Variants in ANKFN1 observed in about 807,000 individuals in gnomAD.
The protein encoded by ANKFN1 is ankyrin repeat and fibronectin type-III domain-containing protein 1.
Under a neutral mutation model 108.7 loss-of-function variants are expected in ANKFN1, and 74 were observed. That is an observed-to-expected ratio of 0.68 (90% CI 0.56 to 0.83). The LOEUF (loss-of-function observed/expected upper bound fraction) is 0.83. Ranked by LOEUF, ANKFN1 falls within the 40% of genes least tolerant of loss-of-function variation. ANKFN1 has a pLI of 0.00. For synonymous variants in ANKFN1, 547 were observed against 516.2 expected (o/e 1.06, Z -0.81); for missense variants, 1,505 against 1,382.3 (o/e 1.09, Z -1.41).
chr17:56,367,222 A>G (rs1301308276), intron 6 of ANKFN1, among the ~76,000 whole-genome samples: 1 of 152,230 alleles, frequency 6.6e-6, no homozygotes, highest in Admixed American at 6.5e-5. Flanking sequence ...AAAAATTAAA[A>G]TTAGTTTACA....
chr17:56,323,631 A>T (rs1367491421), intron 3 of ANKFN1: 1 of 152,412 alleles, frequency 6.6e-6, no homozygotes, highest in Non-Finnish European at 1.5e-5. Flanking sequence ...TTGGCAAGAA[A>T]GATTAGACAT....
In ANKFN1 at chr17:56,385,427, A is replaced by C. The variant is rs2047232694; in HGVS notation, c.910+10713A>C. On this transcript the variant is annotated intron_variant, in intron 8 of 20. Transcript: ENST00000682825. Reference sequence around the variant, plus strand: ...AGGCATGGGCAAGGACTTCATGTCTAAAACACCAACAGCAATGGCAACAAA... The same window carrying C: ...AGGCATGGGCAAGGACTTCATGTCTCAAACACCAACAGCAATGGCAACAAA... Among the ~76,000 whole-genome samples, 3 of 152,240 alleles carry C rather than the reference A, an allele frequency of 2.0e-5. 1 individual carries two copies. The South Asian group carries it at 6.2e-4, about 32-fold the overall frequency.
intron 11 of ANKFN1, among the ~76,000 whole-genome samples, chr17:56,455,284 G>T (rs548978188): frequency 1.3e-5 from 2 of 152,124 alleles, no homozygotes; most frequent in Non-Finnish European, 2.9e-5. Context: ...TTGGGGAAAG[G>T]GTAGTATGTA....
At chr17:56,300,616 G>A (rs1393275733) in intron 3 of ANKFN1, among the ~76,000 whole-genome samples, 2 of 145,926 alleles carry the variant, frequency 1.4e-5, no homozygotes, top group South Asian at 2.1e-4. Context: ...TAAAGAAAAC[G>A]AATTGAACTG....
At chr17:56,391,212 CATATATATATATATAT>C (rs202114506) in intron 8 of ANKFN1, among the ~76,000 whole-genome samples, 13 of 121,414 alleles carry the variant, frequency 1.1e-4, no homozygotes, top group African/African-American at 2.4e-4. Flanking sequence ...CCCAAGAATA[CATATATATATATATAT>C]ATATATATAT....
At chr17:56,353,565 G>A (rs2046301711) in intron 5 of ANKFN1, among the ~76,000 whole-genome samples, 2 of 152,076 alleles carry the variant, frequency 1.3e-5, no homozygotes, top group Non-Finnish European at 2.9e-5. Flanking sequence ...TTTTTCAGAA[G>A]ACTGGTTTGA....
intron 4 of ANKFN1, among the ~76,000 whole-genome samples, chr17:56,128,578 C>T (rs546262273): frequency 2.2e-4 from 33 of 152,298 alleles, no homozygotes; most frequent in African/African-American, 5.3e-4. Flanking sequence ...TCCATCTCTG[C>T]GTCACTGGTG....
rs1232540097 is a variant in ANKFN1, at chr17:56,368,080, C to G, written c.602-4566C>G. The G allele has an allele frequency of 3.5e-6, 3 of 862,270 alleles. No individual in the cohort carries two copies. In the East Asian group the frequency reaches 1.2e-4, roughly 33 times the overall value. The allele number at this position is 862,270 out of a possible 1,614,324, so 53.4% of individuals were successfully genotyped here. Reference sequence around the variant, plus strand: ...CCCATTCTGCCATCAGATCCAGAGGCTAGTAGTTACACTTCTGTAACACCA... The same window carrying G: ...CCCATTCTGCCATCAGATCCAGAGGGTAGTAGTTACACTTCTGTAACACCA... On this transcript the variant is annotated intron_variant, in intron 6 of 20. Transcript: ENST00000682825.
At chr17:56,251,312 G>A (rs141730181) in intron 3 of ANKFN1, among the ~76,000 whole-genome samples, 2,567 of 152,256 alleles carry the variant, frequency 0.017, 80 homozygotes, top group African/African-American at 0.06. Context: ...AGAATCACTT[G>A]AACTCAGGAG....
chr17:56,405,306 G>A (rs1364115710), intron 8 of ANKFN1, among the ~76,000 whole-genome samples: 1 of 152,148 alleles, frequency 6.6e-6, no homozygotes, highest in Admixed American at 6.5e-5. Context: ...TTCTCATTAT[G>A]CAAGAAATGC....
In ANKFN1 at chr17:56,070,616, T is replaced by G. The variant is rs142344093; in HGVS notation, c.288+24291T>G. 1.7e-3 allele frequency among the ~76,000 whole-genome samples: 256 copies of G among 152,326 alleles called. 3 individuals are homozygous for G. The highest frequency in any genetic ancestry group is 8.7e-3 in the East Asian group (45 of 5,180). ...ACTGTACACCCTCACTATAGAGGTT[T>G]ATGTTTGTTCTCTTAACCTGCCACC... On this transcript the variant is annotated intron_variant, in intron 4 of 12. Transcript: ENST00000635860.
intron 8 of ANKFN1, among the ~76,000 whole-genome samples, chr17:56,434,952 CT>C (rs1567999171): frequency 6.6e-6 from 1 of 152,114 alleles, no homozygotes; most frequent in Non-Finnish European, 1.5e-5. Flanking sequence ...AGTAAGAATG[CT>C]GTTTTGGTTC....
chr17:56,435,873 A>C (rs2048914461), intron 8 of ANKFN1, among the ~76,000 whole-genome samples: 1 of 152,156 alleles, frequency 6.6e-6, no homozygotes. Flanking sequence ...GTTTTCAGCT[A>C]AAACAGGGTG....
chr17:56,217,912 A>G lies in ANKFN1; in HGVS notation c.12+5233A>G, dbSNP rs1466904036. On this transcript the variant is annotated intron_variant, in intron 2 of 20. Coordinates refer to ENST00000682825, the MANE Select transcript of ANKFN1 (RefSeq NM_001370326.1). ...TAGCACTATTATCTCTAATAGATTT[A>G]CTTGCTAGGATCTCAACAGTTACAT... 3.9e-5 allele frequency among the ~76,000 whole-genome samples: 6 copies of G among 152,256 alleles called. No individual in the cohort carries two copies. In the East Asian group the frequency reaches 5.8e-4, roughly 15 times the overall value.
intron 3 of ANKFN1, among the ~76,000 whole-genome samples, chr17:56,295,738 A>G (rs2044492147): frequency 6.6e-6 from 1 of 152,244 alleles, no homozygotes; most frequent in South Asian, 2.1e-4. Context: ...GCTGGGAAGT[A>G]CAAGATCAAG....
chr17:56,482,276 T>C, intron 17 of ANKFN1, 80 bp from the exon 18 acceptor site: 1 of 1,300,716 alleles, frequency 7.7e-7, no homozygotes, highest in South Asian at 1.8e-5. Flanking sequence ...TTGTGAGATG[T>C]TTTATGCCAG....
In ANKFN1 at chr17:56,510,640, G is replaced by A. The variant is rs145174606; in HGVS notation, c.2812G>A (p.Asp938Asn). 1.9e-4 allele frequency: 291 copies of A among 1,536,156 alleles called. 1 individual carries two copies. The highest frequency in any genetic ancestry group is 8.3e-4 in the Middle Eastern group (5 of 5,990). ...TLSGLSGSAP[D>N]VLQVHDVKTP... is the part of the protein sequence containing the mutation. Reference sequence around the variant, plus strand: ...TAGCGGCCTAAGCGGCAGCGCCCCCGACGTCCTGCAAGTGCACGACGTGAA... The same window carrying A: ...TAGCGGCCTAAGCGGCAGCGCCCCCAACGTCCTGCAAGTGCACGACGTGAA... The change falls in exon 21 of 21, where the codon GAC becomes AAC. Residue 938 changes from aspartate (D) to asparagine (N), a missense_variant. By Grantham distance (23) the Asp-to-Asn change is conservative (BLOSUM62 1). Coordinates refer to ENST00000682825, the MANE Select transcript of ANKFN1 (RefSeq NM_001370326.1).
intron 9 of ANKFN1, among the ~76,000 whole-genome samples, chr17:56,441,301 G>A (rs2049095038): frequency 6.6e-6 from 1 of 151,872 alleles, no homozygotes; most frequent in African/African-American, 2.4e-5. Flanking sequence ...TTTCTTAAAG[G>A]TTTGTTGATT....
chr17:56,354,191 A>G lies in ANKFN1; in HGVS notation c.601+145A>G, dbSNP rs894283819. The G allele has an allele frequency of 2.3e-5, 17 of 752,634 alleles. No homozygotes were observed. The African/African-American group carries it at 2.5e-4, about 11-fold the overall frequency. The allele number at this position is 752,634 out of a possible 1,614,324, so 46.6% of individuals were successfully genotyped here. A position where few individuals can be genotyped will look rare whatever the true frequency, so the allele number is the denominator to read the frequency against. ...GCTTTGGATGTTTTCATGGGCTTTC[A>G]TGCAAATAGTGACAGCATTTATTGG... On this transcript the variant is annotated intron_variant, in intron 6 of 20. Coordinates refer to ENST00000682825, the MANE Select transcript of ANKFN1 (RefSeq NM_001370326.1).
Sources: allele counts gnomAD v4.1 joint callset (sites outside exome capture counted in the v4.1 genomes callset), GRCh38; gene constraint gnomAD v4.1.1; transcripts MANE v1.5; gene names NCBI Gene and HGNC (gene_info 2026-07-23, HGNC 2026-07-21).